ITGAD: variants seen among roughly 807,000 people sequenced by gnomAD.
ITGAD encodes the protein integrin subunit alpha D, also known as integrin alpha-D.
Under a neutral mutation model 139.0 loss-of-function variants are expected in ITGAD, and 105 were observed. The observed-to-expected ratio is 0.76, with a 90% CI of 0.65 to 0.89. The LOEUF (loss-of-function observed/expected upper bound fraction) is 0.89. Ranked by LOEUF, ITGAD falls within the 40% of genes least tolerant of loss-of-function variation. The pLI is 0.00. For missense variants in ITGAD, 1,384 were observed against 1,487.3 expected (o/e 0.93, Z 1.14); for synonymous variants, 569 against 598.3 (o/e 0.95, Z 0.71).
Position 31,411,149 on chromosome 16 carries a change from T to A in ITGAD, c.1430T>A (p.Ile477Asn). Residue 477 changes from isoleucine (I) to asparagine (N), a missense_variant, in exon 13 of 30, where the codon ATT (isoleucine) becomes AAT (asparagine). By Grantham distance (149) the Ile-to-Asn change is moderately radical (BLOSUM62 -3). Coordinates refer to ENST00000389202, the MANE Select transcript of ITGAD (RefSeq NM_005353.3). ...GATGGCAGCACCGACCTGATCCTCA[T>A]TGGGGCCCCCCATTACTATGAGCAG... Reference protein sequence around the residue: ...DSDGSTDLILIGAPHYYEQTR... With the variant: ...DSDGSTDLILNGAPHYYEQTR... 6.2e-7 allele frequency: 1 copy of A among 1,613,916 alleles called. No individual in the cohort carries two copies. Among genetic ancestry groups the A allele is most frequent in the East Asian group, 2.2e-5 (1 of 44,866 alleles).
chr16:31,397,062 GTTTTTTTTTTTTTTTTTTTT>G (rs539015704), intron 2 of ITGAD, among the ~76,000 whole-genome samples: 2 of 100,822 alleles, frequency 2.0e-5, no homozygotes, highest in African/African-American at 4.9e-5. Context: ...CTTTAAATAG[GTTTTTTTTTTTTTTTTTTTT>G]TTTTTTTTTG....
chr16:31,417,667 G>A (rs547171580), intron 20 of ITGAD, among the ~76,000 whole-genome samples: 10 of 152,168 alleles, frequency 6.6e-5, no homozygotes, highest in East Asian at 1.9e-4. Context: ...GTCCTTGGCC[G>A]GGTGCAGTGG....
chr16:31,415,870 A>G (rs562397865), intron 18 of ITGAD, among the ~76,000 whole-genome samples: 1 of 152,276 alleles, frequency 6.6e-6, no homozygotes, highest in East Asian at 1.9e-4. Flanking sequence ...TTCTTTGAGC[A>G]TAGGAACCAT....
chr16:31,405,307 C>T (rs2081509895), intron 7 of ITGAD, among the ~76,000 whole-genome samples: 1 of 152,170 alleles, frequency 6.6e-6, no homozygotes, highest in African/African-American at 2.4e-5. Context: ...TTCTTTTCTT[C>T]CCTTTCTTTC....
chr16:31,412,998 G>A (rs1468384205), intron 15 of ITGAD, 30 bp downstream of exon 15: 8 of 1,602,324 alleles, frequency 5.0e-6, no homozygotes, highest in South Asian at 2.2e-5. Flanking sequence ...CTGCCCTCCC[G>A]CGCTGTGTCT....
chr16:31,412,691 CT>C, intron 14 of ITGAD, 146 bp from the exon 15 acceptor site: 2 of 991,472 alleles, frequency 2.0e-6, no homozygotes, highest in Non-Finnish European at 3.0e-6. Context: ...CCTACCTCCT[CT>C]TTTCAGGCTC....
chr16:31,405,532 C>T (rs2081515741), intron 7 of ITGAD, among the ~76,000 whole-genome samples: 1 of 152,064 alleles, frequency 6.6e-6, no homozygotes, highest in Admixed American at 6.6e-5. Context: ...CACTTCCATA[C>T]TCATCTTTAT....
In ITGAD at chr16:31,423,337, C is replaced by T; in HGVS notation, c.2860-15C>T. ...TCCAGAGACCACAATAACACTCTGC[C>T]TTGATTTCCTGCAGGTGAATAACCT... On this transcript the variant is annotated splice_polypyrimidine_tract_variant and intron_variant, in intron 24 of 29. Transcript: ENST00000389202. 6.2e-7 allele frequency: 1 copy of T among 1,611,918 alleles called. No individual in the cohort carries two copies. Among genetic ancestry groups the T allele is most frequent in the African/African-American group, 1.3e-5 (1 of 75,006 alleles).
At chr16:31,398,550 T>A (rs1042193982) in intron 5 of ITGAD, among the ~76,000 whole-genome samples, 8 of 151,968 alleles carry the variant, frequency 5.3e-5, no homozygotes, top group Non-Finnish European at 1.2e-4. Flanking sequence ...GGTGCAATCA[T>A]AGCTCACTGC....
Position 31,403,823 on chromosome 16 carries a change from T to A in ITGAD, c.704+178T>A. The stretch of plus-strand genomic sequence containing the variant: ...GTGCTCCTGGTTGCCTCGCTGCCAG[T>A]CTCCCTGATATAGGACTAGGCTCCT... On this transcript the variant is annotated intron_variant, in intron 7 of 29. Coordinates refer to ENST00000389202, the MANE Select transcript of ITGAD (RefSeq NM_005353.3). The surrounding 1 kb of genome is among the most constrained non-coding windows in gnomAD (Gnocchi z 4.4). The A allele has an allele frequency of 1.5e-6, 1 of 674,114 alleles. No individual in the cohort carries two copies. The highest frequency in any genetic ancestry group is 2.5e-6 in the Non-Finnish European group (1 of 402,074). The allele number at this position is 674,114 out of a possible 1,614,324, so 41.8% of individuals were successfully genotyped here. A position where few individuals can be genotyped will look rare whatever the true frequency, so the allele number is the denominator to read the frequency against.
At chr16:31,414,689 T>G (rs1007715182) in intron 17 of ITGAD, 84 bp downstream of exon 17, 3 of 1,581,400 alleles carry the variant, frequency 1.9e-6, no homozygotes, top group Non-Finnish European at 1.7e-6. Flanking sequence ...CTGAGCGAGG[T>G]GGGAAGGGTT....
intron 23 of ITGAD, among the ~76,000 whole-genome samples, chr16:31,420,021 T>C (rs367818235): frequency 2.0e-5 from 3 of 152,272 alleles, no homozygotes; most frequent in East Asian, 3.9e-4. Context: ...AGGCTTCCTT[T>C]TTTAACATGA....
intron 26 of ITGAD, 84 bp downstream of exon 26, chr16:31,423,732 G>A (rs988904127): frequency 5.9e-6 from 9 of 1,520,836 alleles, no homozygotes; most frequent in Admixed American, 5.1e-5. Flanking sequence ...ACAGAGTTCC[G>A]TGCATGTCCT....
chr16:31,402,434 T>G, intron 6 of ITGAD, 189 bp downstream of exon 6: 1 of 463,534 alleles, frequency 2.2e-6, no homozygotes, highest in Non-Finnish European at 3.9e-6. Context: ...CATTTAATAA[T>G]GTATCCAAAA....
At chr16:31,402,012 G>C in intron 5 of ITGAD, 103 bp from the exon 6 acceptor site, 1 of 1,367,374 alleles carries the variant, frequency 7.3e-7, no homozygotes. Flanking sequence ...TCGGAAACTA[G>C]GTGGGGATGC....
At chr16:31,409,134 A>C (rs1488178303) in intron 10 of ITGAD, among the ~76,000 whole-genome samples, 1 of 152,126 alleles carries the variant, frequency 6.6e-6, no homozygotes, top group African/African-American at 2.4e-5. Flanking sequence ...CTCTACTAAA[A>C]ATACAAAAAA....
intron 5 of ITGAD, among the ~76,000 whole-genome samples, chr16:31,401,550 A>G (rs1306825832): frequency 1.3e-5 from 2 of 152,128 alleles, no homozygotes; most frequent in East Asian, 1.9e-4. Context: ...CATATCCTAC[A>G]GGCCTCGAAG....
Position 31,410,960 on chromosome 16 carries a change from T to C in ITGAD, c.1356+82T>C, listed in dbSNP as rs1037154989. The C allele has an allele frequency of 1.5e-5, 24 of 1,591,312 alleles. No individual in the cohort carries two copies. In the East Asian group the frequency reaches 1.8e-4, roughly 12 times the overall value. ...ACAGTGGCCGGGGCTAGGGAGAGGA[T>C]GGAGGGGCTTTGGGGGCCTTGGGAG... is the stretch of plus-strand genomic sequence containing the variant. On this transcript the variant is annotated intron_variant, in intron 12 of 29. Coordinates refer to ENST00000389202, the MANE Select transcript of ITGAD (RefSeq NM_005353.3).
chr16:31,422,753 C>T (rs1287472221), intron 23 of ITGAD, among the ~76,000 whole-genome samples: 2 of 151,964 alleles, frequency 1.3e-5, no homozygotes, highest in East Asian at 1.9e-4. Flanking sequence ...AAAGAGCCAG[C>T]GGTGTGCATG....
Sources: allele counts gnomAD v4.1 joint callset (sites outside exome capture counted in the v4.1 genomes callset), GRCh38; gene constraint gnomAD v4.1.1; non-coding constraint Gnocchi (gnomAD v3.1); transcripts MANE v1.5; gene names NCBI Gene and HGNC (gene_info 2026-07-23, HGNC 2026-07-21).